The following ITCH variants were observed in gnomAD, a reference collection of about 807,000 sequenced individuals.
ITCH encodes E3 ubiquitin-protein ligase Itchy homolog.
Under a neutral mutation model 126.8 loss-of-function variants are expected in ITCH, and 28 were observed. The ratio of observed to expected loss-of-function variants is 0.22; its 90% CI spans 0.16 to 0.30. The LOEUF (loss-of-function observed/expected upper bound fraction) is 0.30, where lower values mean the gene tolerates loss of function less well. Ranked by LOEUF, ITCH falls within the 10% of genes least tolerant of loss-of-function variation. ITCH has a pLI of 1.00. For synonymous variants in ITCH, 342 were observed against 340.0 expected (o/e 1.01, Z -0.06); for missense variants, 631 against 1,032.4 (o/e 0.61, Z 5.33).
intron 3 of ITCH, among the ~76,000 whole-genome samples, chr20:34,404,462 C>T (rs974630928): frequency 4.7e-5 from 7 of 149,478 alleles, no homozygotes; most frequent in Non-Finnish European, 7.4e-5. Flanking sequence ...CCTTGTCACC[C>T]AGGCTGGAGT....
At position 34,462,112 on chromosome 20, in the gene ITCH, T is replaced by C. The variant is rs1247154182; in HGVS notation, c.1315T>C (p.Leu439=). ...RSQGQLNEKP[L]PEGWEMRFTV... is the part of the protein sequence containing the mutation. ...TCGTAGTCAATTAAATGAAAAGCCCTTACCTGAAGGTTGGGAAATGAGATT... is the reference window on the plus strand; with the variant it reads ...TCGTAGTCAATTAAATGAAAAGCCCCTACCTGAAGGTTGGGAAATGAGATT... The change falls in exon 14 of 25, where the codon TTA becomes CTA. Residue 439 remains leucine (L), a synonymous_variant. Coordinates refer to ENST00000374864, the MANE Select transcript of ITCH (RefSeq NM_031483.7). 6.2e-7 allele frequency: 1 copy of C among 1,613,828 alleles called. No homozygotes were observed. Among genetic ancestry groups the C allele is most frequent in the South Asian group, 1.1e-5 (1 of 91,074 alleles).
chr20:34,458,129 TA>T (rs1214864470), intron 13 of ITCH, among the ~76,000 whole-genome samples: 1 of 152,188 alleles, frequency 6.6e-6, no homozygotes, highest in Non-Finnish European at 1.5e-5. Context: ...AGAAAATACA[TA>T]CTCAGTTTCA....
intron 2 of ITCH, among the ~76,000 whole-genome samples, chr20:34,384,437 T>C (rs1032423838): frequency 1.3e-4 from 20 of 151,232 alleles, no homozygotes; most frequent in Non-Finnish European, 2.2e-4. Flanking sequence ...TGCGCCACCA[T>C]GTCCAGCTCA....
intron 3 of ITCH, among the ~76,000 whole-genome samples, chr20:34,408,171 A>G (rs1340164860): frequency 1.3e-5 from 2 of 151,508 alleles, no homozygotes; most frequent in African/African-American, 4.9e-5. Context: ...GACCTCCTGG[A>G]CTCAAGCGAT....
Position 34,408,667 on chromosome 20 carries a change from T to A in ITCH, c.87T>A (p.Leu29=). 6.2e-7 allele frequency: 1 copy of A among 1,613,574 alleles called. No homozygotes were observed. Among genetic ancestry groups the A allele is most frequent in the Non-Finnish European group, 8.5e-7 (1 of 1,179,500 alleles). ...QLQITVISAK[L]KENKKNWFGP... ...TTTACATAGTCATCTCAGCAAAACTTAAGGAAAATAAGAAGAATTGGTTTG... is the reference window on the plus strand; with the variant it reads ...TTTACATAGTCATCTCAGCAAAACTAAAGGAAAATAAGAAGAATTGGTTTG... Residue 29 remains leucine, a synonymous_variant, in exon 4 of 25, where the codon CTT becomes CTA. Coordinates refer to ENST00000374864, the MANE Select transcript of ITCH (RefSeq NM_031483.7).
At chr20:34,482,974 G>A (rs1193924619) in intron 20 of ITCH, among the ~76,000 whole-genome samples, 2 of 152,174 alleles carry the variant, frequency 1.3e-5, no homozygotes, top group African/African-American at 2.4e-5. Flanking sequence ...ACAGCACGTG[G>A]AAGCTGCCAA....
chr20:34,406,660 G>A (rs2039068787), intron 3 of ITCH, among the ~76,000 whole-genome samples: 2 of 150,998 alleles, frequency 1.3e-5, no homozygotes, highest in South Asian at 2.1e-4. Context: ...TCAGCCTCCC[G>A]AGTAGCTGGG....
At chr20:34,389,147 A>G (rs2038397518) in intron 2 of ITCH, among the ~76,000 whole-genome samples, 1 of 152,222 alleles carries the variant, frequency 6.6e-6, no homozygotes, top group East Asian at 1.9e-4. Context: ...TGTATTTTCA[A>G]TTGGTGTTTT....
chr20:34,499,272 CTTTTTTTTTTTTTTTTT>C (rs386393666), intron 23 of ITCH, among the ~76,000 whole-genome samples: 21 of 23,034 alleles, frequency 9.1e-4, no homozygotes, highest in Admixed American at 5.1e-3. Context: ...CTGTGCCCAG[CTTTTTTTTTTTTTTTTT>C]TTTTTTTTTT....
At chr20:34,365,186 G>GT (rs2122938061) in intron 1 of ITCH, among the ~76,000 whole-genome samples, 1 of 152,126 alleles carries the variant, frequency 6.6e-6, no homozygotes, top group East Asian at 1.9e-4. Flanking sequence ...GGGTGACAGA[G>GT]TGAGACCCTG....
At chr20:34,480,261 G>C (rs941117929) in intron 18 of ITCH, among the ~76,000 whole-genome samples, 2 of 151,906 alleles carry the variant, frequency 1.3e-5, no homozygotes, top group Non-Finnish European at 2.9e-5. Flanking sequence ...GCAATGGCGT[G>C]ATCTCGGCCC....
intron 6 of ITCH, among the ~76,000 whole-genome samples, chr20:34,420,235 C>A (rs368385809): frequency 2.0e-4 from 31 of 152,104 alleles, no homozygotes; most frequent in African/African-American, 4.8e-4. Context: ...AGAAAAAAAA[C>A]CCCATTTCTT....
At chr20:34,375,696 ATTTTTTTTTTT>A (rs5841171) in intron 2 of ITCH, among the ~76,000 whole-genome samples, 1,603 of 65,630 alleles carry the variant, frequency 0.024, 48 homozygotes, top group African/African-American at 0.091. Context: ...GGTAGTTAAA[ATTTTTTTTTTT>A]TTTTTTTTTT....
At chr20:34,430,831 T>C (rs1189871534) in intron 7 of ITCH, among the ~76,000 whole-genome samples, 5 of 152,146 alleles carry the variant, frequency 3.3e-5, no homozygotes, top group African/African-American at 1.2e-4. Flanking sequence ...AAAAAATATT[T>C]TGACAGTGGT....
At position 34,462,553 on chromosome 20, in the gene ITCH, T is replaced by C. The variant is rs117299415; in HGVS notation, c.1424+332T>C. Among the ~76,000 whole-genome samples, 54 of 152,348 alleles carry C rather than the reference T, an allele frequency of 3.5e-4. No individual in the cohort carries two copies. The East Asian group carries it at 9.3e-3, about 26-fold the overall frequency. ...TGACGTTAAAAAAGCTCTCATTACT[T>C]ATCCCCCACCCCATTTCTGAGAAAG... On this transcript the variant is annotated intron_variant, in intron 14 of 24. Coordinates refer to ENST00000374864, the MANE Select transcript of ITCH (RefSeq NM_031483.7).
intron 14 of ITCH, among the ~76,000 whole-genome samples, chr20:34,467,579 G>A (rs546895502): frequency 6.6e-6 from 1 of 151,146 alleles, no homozygotes; most frequent in African/African-American, 2.4e-5. Context: ...GGCCTAGATG[G>A]TGTCACTGGT....
intron 7 of ITCH, among the ~76,000 whole-genome samples, chr20:34,424,887 A>G (rs1462817835): frequency 1.3e-5 from 2 of 152,190 alleles, no homozygotes; most frequent in African/African-American, 4.8e-5. Context: ...ACCACTAGCT[A>G]TGGTATCATC....
At chr20:34,491,204 C>T (rs1204564320) in intron 22 of ITCH, among the ~76,000 whole-genome samples, 1 of 152,104 alleles carries the variant, frequency 6.6e-6, no homozygotes, top group Non-Finnish European at 1.5e-5. Flanking sequence ...GAATATTATT[C>T]AGTGCTAAAA....
In ITCH at chr20:34,418,388, G is replaced by A. The variant is rs1980247502; in HGVS notation, c.475+4509G>A. On this transcript the variant is annotated intron_variant, in intron 6 of 24. Coordinates refer to ENST00000374864, the MANE Select transcript of ITCH (RefSeq NM_031483.7). ...GAGTTTTTGGAATATGTGACTTCTG[G>A]TTCTTATTCTATGCATTCCATTCCT... Among the ~76,000 whole-genome samples, 2 of 152,078 alleles carry A rather than the reference G, an allele frequency of 1.3e-5. 1 individual carries two copies. Among genetic ancestry groups the A allele is most frequent in the Admixed American group, 1.3e-4 (2 of 15,262 alleles).
Sources: gnomAD v4.1 joint callset for allele counts (sites outside exome capture counted in the v4.1 genomes callset) on GRCh38, gnomAD v4.1.1 for gene constraint, MANE v1.5 for transcripts, NCBI Gene and HGNC (gene_info 2026-07-23, HGNC 2026-07-21) for gene names.